PPARD: variants seen among roughly 807,000 people sequenced by gnomAD.
The protein encoded by PPARD is peroxisome proliferator activated receptor delta.
PPARD carries 6 observed loss-of-function variants against 39.5 expected under a neutral mutation model. That is an observed-to-expected ratio of 0.15 (90% CI 0.08 to 0.30). PPARD has a LOEUF of 0.30. Ranked by LOEUF, PPARD falls within the 10% of genes least tolerant of loss-of-function variation. The pLI is 1.00. For synonymous variants in PPARD, 210 were observed against 231.3 expected (o/e 0.91, Z 0.83); for missense variants, 397 against 596.8 (o/e 0.67, Z 3.49).
At chr6:35,417,005 C>G (rs1765815468) in intron 3 of PPARD, among the ~76,000 whole-genome samples, 1 of 151,826 alleles carries the variant, frequency 6.6e-6, no homozygotes, top group Non-Finnish European at 1.5e-5. Context: ...GAGACAAGGT[C>G]TTGTTCTGTC....
rs1765522729 is a variant in PPARD at position 35,412,964 on chromosome 6, AGT to A, written c.130+1751_130+1752del. On this transcript the variant is annotated intron_variant, in intron 3 of 7. Coordinates refer to ENST00000360694, the MANE Select transcript of PPARD (RefSeq NM_006238.5). This position sits in a 1 kb window ranked among gnomAD's most constrained non-coding sequence, Gnocchi z 4.1. ...GGGAAGACAGTGGGGACTAAGAATGAGTGTGGGATGTCATGAGGATTCAGGGG... is the reference window on the plus strand; with the variant it reads ...GGGAAGACAGTGGGGACTAAGAATGAGTGGGATGTCATGAGGATTCAGGGG... Among the ~76,000 whole-genome samples, 1 of 152,148 alleles carries A rather than the reference AGT, an allele frequency of 6.6e-6. No homozygotes were observed. Among genetic ancestry groups the A allele is most frequent in the South Asian group, 2.1e-4 (1 of 4,826 alleles).
intron 2 of PPARD, among the ~76,000 whole-genome samples, chr6:35,371,148 G>A (rs151058786): frequency 7.9e-5 from 12 of 152,242 alleles, no homozygotes; most frequent in East Asian, 7.7e-4. Context: ...TTACTTCAGC[G>A]GTTGCCAAGT....
intron 2 of PPARD, among the ~76,000 whole-genome samples, chr6:35,377,991 G>A (rs900170336): frequency 6.6e-5 from 10 of 151,578 alleles, no homozygotes; most frequent in Admixed American, 2.6e-4. Context: ...AGCCTCCCAC[G>A]TAGCTGGGAC....
At chr6:35,414,020 C>T (rs1363931977) in intron 3 of PPARD, among the ~76,000 whole-genome samples, 4 of 152,106 alleles carry the variant, frequency 2.6e-5, no homozygotes, top group Non-Finnish European at 5.9e-5. Context: ...CTTCTAGGAA[C>T]GTGTCCTGTG....
intron 2 of PPARD, among the ~76,000 whole-genome samples, chr6:35,365,220 C>T (rs1364664824): frequency 6.8e-6 from 1 of 147,066 alleles, no homozygotes; most frequent in Non-Finnish European, 1.5e-5. Context: ...GCAAGCTCCA[C>T]CTCCTGGTTC....
At chr6:35,423,802 A>G (rs1025060506) in intron 5 of PPARD, 144 bp from the exon 6 acceptor site, 7 of 692,798 alleles carry the variant, frequency 1.0e-5, no homozygotes, top group Non-Finnish European at 1.7e-5. Flanking sequence ...GGGCCACCCC[A>G]TCATTCCTAC....
chr6:35,352,268 C>G (rs1160707937), intron 2 of PPARD, among the ~76,000 whole-genome samples: 1 of 151,674 alleles, frequency 6.6e-6, no homozygotes, highest in African/African-American at 2.4e-5. Flanking sequence ...ACTGCAACCT[C>G]CGCCTCGTGG....
At chr6:35,364,843 G>C (rs1340545315) in intron 2 of PPARD, among the ~76,000 whole-genome samples, 1 of 151,802 alleles carries the variant, frequency 6.6e-6, no homozygotes, top group Non-Finnish European at 1.5e-5. Flanking sequence ...CCGAGTAGCT[G>C]GGACTACAGG....
In PPARD at chr6:35,345,497, G is replaced by A. The variant is rs540667649; in HGVS notation, c.-185-1570G>A. Among the ~76,000 whole-genome samples the A allele has an allele frequency of 2.9e-3, 439 of 152,138 alleles. 1 individual carries two copies. Among genetic ancestry groups the A allele is most frequent in the African/African-American group, 6.3e-3 (260 of 41,520 alleles). ...TAAAGACAGGCTCTCACAATGTCTC[G>A]AACTCCTGGCCTCAAGCAGTCCTCC... On this transcript the variant is annotated intron_variant, in intron 1 of 7. Transcript: ENST00000360694.
intron 2 of PPARD, among the ~76,000 whole-genome samples, chr6:35,410,246 C>T (rs1352958601): frequency 6.6e-6 from 1 of 152,222 alleles, no homozygotes; most frequent in African/African-American, 2.4e-5. Flanking sequence ...CTGGGAGACT[C>T]TCCACAGTAC....
intron 2 of PPARD, chr6:35,348,963 G>C: frequency 2.0e-6 from 2 of 985,296 alleles, no homozygotes; most frequent in Non-Finnish European, 2.4e-6. Context: ...CCAGGGGTCA[G>C]TTGTCCAGTT....
At chr6:35,360,779 A>G (rs1761887064) in intron 2 of PPARD, among the ~76,000 whole-genome samples, 1 of 152,198 alleles carries the variant, frequency 6.6e-6, no homozygotes, top group South Asian at 2.1e-4. Context: ...GCACCTTGCC[A>G]TCCCCGATTT....
chr6:35,404,554 C>T (rs1357738729), intron 2 of PPARD, among the ~76,000 whole-genome samples: 1 of 152,220 alleles, frequency 6.6e-6, no homozygotes, highest in Non-Finnish European at 1.5e-5. Flanking sequence ...CCACACCGTA[C>T]AGCCTGCCAG....
At chr6:35,343,083 C>T (rs1315409587) in intron 1 of PPARD, among the ~76,000 whole-genome samples, 4 of 152,142 alleles carry the variant, frequency 2.6e-5, no homozygotes, top group Non-Finnish European at 5.9e-5. Context: ...TTCCTTCACC[C>T]GTTTCTGGTG....
intron 2 of PPARD, among the ~76,000 whole-genome samples, chr6:35,354,291 T>C (rs1582280262): frequency 8.0e-6 from 1 of 124,784 alleles, no homozygotes; most frequent in Non-Finnish European, 1.6e-5. Context: ...CCTTTAGTAC[T>C]CATACAACCA....
At chr6:35,374,551 G>A (rs557209091) in intron 2 of PPARD, among the ~76,000 whole-genome samples, 19 of 151,608 alleles carry the variant, frequency 1.3e-4, no homozygotes, top group African/African-American at 4.4e-4. Context: ...CCAGCTACTC[G>A]GGAGGCTGAG....
At chr6:35,388,083 G>A (rs895134680) in intron 2 of PPARD, among the ~76,000 whole-genome samples, 3 of 150,154 alleles carry the variant, frequency 2.0e-5, no homozygotes, top group Non-Finnish European at 3.0e-5. Flanking sequence ...TAGGTGGACT[G>A]TGGCTTATAA....
intron 2 of PPARD, among the ~76,000 whole-genome samples, chr6:35,353,194 G>A (rs973397802): frequency 6.6e-6 from 1 of 152,144 alleles, no homozygotes; most frequent in South Asian, 2.1e-4. Flanking sequence ...CTGTTCTTTG[G>A]GCAATGGGGG....
At chr6:35,384,390 T>C (rs1763424646) in intron 2 of PPARD, among the ~76,000 whole-genome samples, 1 of 111,804 alleles carries the variant, frequency 8.9e-6, no homozygotes, top group African/African-American at 3.7e-5. Flanking sequence ...TACTGGGAAG[T>C]GAGGAGCCCC....
Sources: allele counts gnomAD v4.1 joint callset (sites outside exome capture counted in the v4.1 genomes callset), GRCh38; gene constraint gnomAD v4.1.1; non-coding constraint Gnocchi (gnomAD v3.1); transcripts MANE v1.5; gene names NCBI Gene and HGNC (gene_info 2026-07-23, HGNC 2026-07-21).